The following ATR variants were observed in gnomAD, a reference collection of about 807,000 sequenced individuals.
ATR encodes the protein serine/threonine-protein kinase ATR.
Under a neutral mutation model 305.3 loss-of-function variants are expected in ATR, and 142 were observed. That is an observed-to-expected ratio of 0.47 (90% CI 0.41 to 0.53). ATR has a LOEUF of 0.53. Ranked by LOEUF, ATR falls within the 20% of genes least tolerant of loss-of-function variation. ATR has a pLI of 0.00. For missense variants in ATR, 2,135 were observed against 3,133.1 expected (o/e 0.68, Z 7.60); for synonymous variants, 1,050 against 1,068.1 (o/e 0.98, Z 0.33).
At position 142,562,261 on chromosome 3, in the gene ATR, C is replaced by A. The variant is rs2108486820; in HGVS notation, c.1141G>T (p.Asp381Tyr). ...YVRNICKALL[D>Y]VLGIEVDAEY... ...GCATCTACCTCAATTCCAAGCACAT[C>A]CAAAAGAGCTTTACAAATATTTCTC... The change falls in exon 4 of 47, where the codon GAT becomes TAT. Residue 381 changes from aspartate to tyrosine, a missense_variant. By Grantham distance (160) the Asp-to-Tyr change is radical. Around this residue, in one of 9 missense-constraint regions of ATR, gnomAD observed 744 missense variants for 873.2 expected, o/e 0.85. Coordinates refer to ENST00000350721, the MANE Select transcript of ATR (RefSeq NM_001184.4). 6.2e-7 allele frequency: 1 copy of A among 1,614,054 alleles called. No individual in the cohort carries two copies. The highest frequency in any genetic ancestry group is 8.5e-7 in the Non-Finnish European group (1 of 1,179,976).
chr3:142,561,059 A>G (rs934939515), intron 5 of ATR, among the ~76,000 whole-genome samples, 184 bp downstream of exon 5: 1 of 152,232 alleles, frequency 6.6e-6, no homozygotes, highest in South Asian at 2.1e-4. Context: ...ATATTTAACC[A>G]TGAAATGTTT....
At chr3:142,577,859 G>T (rs2035490819) in intron 1 of ATR, among the ~76,000 whole-genome samples, 1 of 152,346 alleles carries the variant, frequency 6.6e-6, no homozygotes, top group East Asian at 1.9e-4. Context: ...AGGGAAGCCT[G>T]CCTGTGTATT....
chr3:142,519,876 A>C (rs1577620563), intron 23 of ATR, 92 bp from the exon 24 acceptor site: 46 of 953,246 alleles, frequency 4.8e-5, no homozygotes, highest in African/African-American at 1.6e-5. Context: ...TTATAAAAAT[A>C]CAGCCATAAC....
intron 46 of ATR, chr3:142,451,542 A>T (rs2070789182): frequency 2.2e-6 from 3 of 1,363,626 alleles, no homozygotes; most frequent in Non-Finnish European, 1.9e-6. Context: ...ACCTATATCC[A>T]GAGTGGGCAC....
intron 35 of ATR, among the ~76,000 whole-genome samples, chr3:142,486,111 T>C (rs1426213788): frequency 6.6e-6 from 1 of 152,232 alleles, no homozygotes; most frequent in Non-Finnish European, 1.5e-5. Flanking sequence ...AATATTTGTG[T>C]GGTTTATTAA....
intron 27 of ATR, among the ~76,000 whole-genome samples, chr3:142,511,221 A>G (rs539460415): frequency 1.3e-5 from 2 of 151,316 alleles, no homozygotes; most frequent in South Asian, 2.1e-4. Context: ...CACACACACA[A>G]AAACTGAGGA....
rs765995678 is a variant in ATR, at chr3:142,560,370, T to C, written c.1434A>G (p.Glu478=). ...QKAESLQISL[E]YSGLKNPVIE... ...TAACAGGATTCTTTAGGCCACTGTA[T>C]TCAAGGGAAATCTGAAGGGATTCAG... Residue 478 remains glutamate, a synonymous_variant, in exon 6 of 47, where the codon GAA becomes GAG. Transcript: ENST00000350721. 1 of 1,613,888 alleles carries C rather than the reference T, an allele frequency of 6.2e-7. No homozygotes were observed. Among genetic ancestry groups the C allele is most frequent in the South Asian group, 1.1e-5 (1 of 91,080 alleles).
intron 36 of ATR, among the ~76,000 whole-genome samples, chr3:142,483,308 G>T (rs2030662911): frequency 6.6e-6 from 1 of 152,098 alleles, no homozygotes; most frequent in East Asian, 1.9e-4. Context: ...TAAGGAGAAT[G>T]TATGGAATGA....
chr3:142,479,976 T>A lies in ATR; in HGVS notation c.6221+5164A>T, dbSNP rs552874925. 4.6e-5 allele frequency among the ~76,000 whole-genome samples: 7 copies of A among 152,354 alleles called. 1 individual carries two copies. In the South Asian group the frequency reaches 1.4e-3, roughly 32 times the overall value. On this transcript the variant is annotated intron_variant, in intron 36 of 46. Coordinates refer to ENST00000350721, the MANE Select transcript of ATR (RefSeq NM_001184.4). Reference sequence around the variant, plus strand: ...GATTTCTCTGCATTGGTTATTCTAGTCAGCCATTCGTCTAATCTTTTTTCA... The same window carrying A: ...GATTTCTCTGCATTGGTTATTCTAGACAGCCATTCGTCTAATCTTTTTTCA...
chr3:142,496,278 CTATATATATATATATATATA>C (rs6148111), intron 34 of ATR, 63 bp downstream of exon 34: 100 of 115,146 alleles, frequency 8.7e-4, no homozygotes, highest in East Asian at 4.6e-3. Context: ...TAATTCCCGA[CTATATATATATATATATATA>C]TATATATATA....
rs191926315 is a variant in ATR, at chr3:142,453,314, T to C, written c.7656-81A>G. 7.9e-4 allele frequency: 1,172 copies of C among 1,476,002 alleles called. 12 individuals carry two copies. The African/African-American group carries it at 0.015, about 19-fold the overall frequency. The allele number at this position is 1,476,002 out of a possible 1,614,324, so 91.4% of individuals were successfully genotyped here. The stretch of plus-strand genomic sequence containing the variant: ...CTGACATCAATATTTAAGTGAAGGA[T>C]GAGAAGCTAATGGTAATACTCTTAT... On this transcript the variant is annotated intron_variant, in intron 45 of 46. Coordinates refer to ENST00000350721, the MANE Select transcript of ATR (RefSeq NM_001184.4).
rs567015340 is a variant in ATR at position 142,479,919 on chromosome 3, C to T, written c.6221+5221G>A. Among the ~76,000 whole-genome samples, 3 of 152,306 alleles carry T rather than the reference C, an allele frequency of 2.0e-5. No individual in the cohort carries two copies. In the East Asian group the frequency reaches 5.8e-4, roughly 29 times the overall value. ...GTGCATTCGTCACGTAGTTCCTGTG[C>T]CGTGGATTTCAGCTCCATCAGGTCC... On this transcript the variant is annotated intron_variant, in intron 36 of 46. Transcript: ENST00000350721.
At chr3:142,512,012 G>A (rs2032595891) in intron 27 of ATR, among the ~76,000 whole-genome samples, 1 of 151,480 alleles carries the variant, frequency 6.6e-6, no homozygotes, top group Admixed American at 6.6e-5. Context: ...CAACTACTTG[G>A]GAGGCTGAGG....
At chr3:142,532,398 A>G (rs1019347335) in intron 21 of ATR, among the ~76,000 whole-genome samples, 9 of 152,236 alleles carry the variant, frequency 5.9e-5, no homozygotes, top group Admixed American at 4.6e-4. Flanking sequence ...ACTAGTATCA[A>G]TCTTCAGAAA....
chr3:142,544,853 G>C (rs1292668308), intron 16 of ATR, among the ~76,000 whole-genome samples: 1 of 152,112 alleles, frequency 6.6e-6, no homozygotes, highest in African/African-American at 2.4e-5. Context: ...ATCTTGCCTA[G>C]CACAGGAAAT....
chr3:142,480,377 C>A (rs2030337207), intron 36 of ATR, among the ~76,000 whole-genome samples: 1 of 152,238 alleles, frequency 6.6e-6, no homozygotes, highest in Non-Finnish European at 1.5e-5. Flanking sequence ...GCCTGGGTAT[C>A]AGCAGCGGAG....
At chr3:142,558,571 T>A in intron 8 of ATR, 53 bp downstream of exon 8, 1 of 1,429,094 alleles carries the variant, frequency 7.0e-7, no homozygotes, top group Non-Finnish European at 9.7e-7. Context: ...GATAGATAGA[T>A]AGATAGATAG....
intron 35 of ATR, 69 bp downstream of exon 35, chr3:142,493,063 G>T: frequency 3.3e-6 from 5 of 1,537,430 alleles, no homozygotes; most frequent in Non-Finnish European, 4.4e-6. Context: ...CATGTGCTTT[G>T]CCATATAGAC....
At position 142,550,294 on chromosome 3, in the gene ATR, T is replaced by C; in HGVS notation, c.2814A>G (p.Val938=). 1 of 1,614,112 alleles carries C rather than the reference T, an allele frequency of 6.2e-7. No individual in the cohort carries two copies. Among genetic ancestry groups the C allele is most frequent in the East Asian group, 2.2e-5 (1 of 44,872 alleles). ...TCATCTGACTAGAGTGAAGGGATTC[T>C]ACCAAAAACTAGAGCAAAAACCATT... ...QYKKPICQFL[V]ESLHSSQMTA... The change falls in exon 14 of 47, where the codon GTA becomes GTG. Residue 938 remains valine, a synonymous_variant. Coordinates refer to ENST00000350721, the MANE Select transcript of ATR (RefSeq NM_001184.4).
Sources: allele counts gnomAD v4.1 joint callset (sites outside exome capture counted in the v4.1 genomes callset), GRCh38; gene constraint gnomAD v4.1.1; regional missense constraint gnomAD v4.1.1; transcripts MANE v1.5; gene names NCBI Gene and HGNC (gene_info 2026-07-23, HGNC 2026-07-21).